Variants in WFDC8 observed in about 807,000 individuals in gnomAD.
WFDC8 encodes WAP four-disulfide core domain protein 8.
Under a neutral mutation model 27.0 loss-of-function variants are expected in WFDC8, and 24 were observed. That is an observed-to-expected ratio of 0.89 (90% CI 0.64 to 1.25). WFDC8 has a LOEUF of 1.25. Ranked by LOEUF, WFDC8 falls within the 50% of genes most tolerant of loss-of-function variation. The probability of loss-of-function intolerance (pLI) is 0.00; values close to 1 mark genes in which losing one functional copy is unlikely to be tolerated. For synonymous variants in WFDC8, 106 were observed against 99.7 expected, an observed-to-expected ratio of 1.06 and a Z score of -0.38; for missense variants, 287 against 295.9, an observed-to-expected ratio of 0.97 and a Z score of 0.22.
chr20:45,566,611 C>T (rs1018280425), intron 1 of WFDC8, among the ~76,000 whole-genome samples: 2 of 151,994 alleles, frequency 1.3e-5, no homozygotes, highest in African/African-American at 4.8e-5. Context: ...TGCAGTGAGC[C>T]AGGATTGCAC....
rs990219232 is a variant in WFDC8, at chr20:45,555,707, A to G, written c.439T>C (p.Leu147=). Residue 147 remains leucine, a synonymous_variant, in exon 4 of 6, where the codon TTA becomes CTA. Coordinates refer to ENST00000289953, the MANE Select transcript of WFDC8 (RefSeq NM_130896.3). ...TCCAGGATAGAGGTCTCACCAATTA[A>G]CATGCAGGCCGTTCTGCAGGCATCC... The part of the protein sequence containing the change: ...NEDACRTACM[L]IVKDGQCPLF... 5.6e-6 allele frequency: 9 copies of G among 1,612,166 alleles called. No individual in the cohort carries two copies. In the African/African-American group the frequency reaches 1.2e-4, roughly 22 times the overall value.
intron 5 of WFDC8, 84 bp downstream of exon 5, chr20:45,553,052 C>G: frequency 6.6e-7 from 1 of 1,513,444 alleles, no homozygotes; most frequent in Non-Finnish European, 8.9e-7. Flanking sequence ...ATCTGAGGTT[C>G]AAGACACCCC....
chr20:45,554,155 GTT>G (rs10715751), intron 4 of WFDC8, among the ~76,000 whole-genome samples: 1 of 151,272 alleles, frequency 6.6e-6, no homozygotes, highest in Admixed American at 6.6e-5. Flanking sequence ...CACCATGCCT[GTT>G]TTTTTTGTTG....
At chr20:45,567,023 T>C (rs1980703167) in intron 1 of WFDC8, among the ~76,000 whole-genome samples, 1 of 152,248 alleles carries the variant, frequency 6.6e-6, no homozygotes, top group Non-Finnish European at 1.5e-5. Context: ...GGTTTTTATT[T>C]GTATTATTTT....
Position 45,552,114 on chromosome 20 carries a change from T to A in WFDC8, c.638A>T (p.Lys213Ile). ...CTCCTCATCCTGCAGGCACTTGGGT[T>A]TATCAATCTTGGTACATAGCAAGGG... ...RKPLLCTKIDKPKCLQDEECP... is the reference protein window; with the variant it reads ...RKPLLCTKIDIPKCLQDEECP... Residue 213 changes from lysine (K) to isoleucine (I), a missense_variant, in exon 6 of 6, where the codon AAA (lysine) becomes ATA (isoleucine). By Grantham distance (102) the Lys-to-Ile change is moderately radical. Transcript: ENST00000289953. 6.2e-7 allele frequency: 1 copy of A among 1,614,144 alleles called. No individual in the cohort carries two copies. The highest frequency in any genetic ancestry group is 8.5e-7 in the Non-Finnish European group (1 of 1,179,978).
chr20:45,558,872 T>G lies in WFDC8; in HGVS notation c.257A>C (p.Lys86Thr). The G allele has an allele frequency of 6.2e-7, 1 of 1,614,166 alleles. No individual in the cohort carries two copies. The highest frequency in any genetic ancestry group is 8.5e-7 in the Non-Finnish European group (1 of 1,180,006). ...QKCCFFACQKKCMDPFQEPCM... is the reference protein window; with the variant it reads ...QKCCFFACQKTCMDPFQEPCM... ...GCTACCTTGAAAGGGATCCATGCAC[T>G]TCTTCTGACAGGCAAAAAAGCAGCA... is the stretch of plus-strand genomic sequence containing the variant. Residue 86 changes from lysine (K) to threonine (T), a missense_variant, in exon 3 of 6, where the codon AAG becomes ACG. Lys to Thr is a moderately conservative substitution (Grantham distance 78, BLOSUM62 -1). Coordinates refer to ENST00000289953, the MANE Select transcript of WFDC8 (RefSeq NM_130896.3).
chr20:45,564,472 C>T lies in WFDC8; in HGVS notation c.27-2253G>A, dbSNP rs527999641. Among the ~76,000 whole-genome samples, 7 of 152,208 alleles carry T rather than the reference C, an allele frequency of 4.6e-5. No individual in the cohort carries two copies. In the East Asian group the frequency reaches 1.2e-3, roughly 25 times the overall value. On this transcript the variant is annotated intron_variant, in intron 1 of 5. Transcript: ENST00000289953. ...GGATTATGAGGTCAGGAGATTGAGA[C>T]CATCCTGGCTAACACGGTGAAATCC...
intron 2 of WFDC8, among the ~76,000 whole-genome samples, chr20:45,560,690 C>T (rs563983111): frequency 3.9e-5 from 6 of 152,304 alleles, no homozygotes; most frequent in South Asian, 4.1e-4. Context: ...CTGGGACTTA[C>T]AATCCAGGAC....
intron 1 of WFDC8, among the ~76,000 whole-genome samples, chr20:45,564,977 A>AAGAAAGAGAGAC: frequency 1.2e-5 from 1 of 82,138 alleles, no homozygotes; most frequent in Middle Eastern, 5.7e-3. Context: ...AAGAAAGACA[A>AAGAAAGAGAGAC]AGAAGGAAGG....
intron 3 of WFDC8, among the ~76,000 whole-genome samples, chr20:45,556,331 CTGTTTAATTTA>C (rs1283556409): frequency 6.6e-6 from 1 of 152,102 alleles, no homozygotes; most frequent in African/African-American, 2.4e-5. Context: ...TTATTATTTG[CTGTTTAATTTA>C]TATTTATTTT....
intron 1 of WFDC8, among the ~76,000 whole-genome samples, chr20:45,570,591 G>A (rs962973926): frequency 6.6e-6 from 1 of 151,998 alleles, no homozygotes; most frequent in Non-Finnish European, 1.5e-5. Flanking sequence ...TCCAGTTTGG[G>A]GCAATTATGA....
At chr20:45,556,762 T>C (rs1980272109) in intron 3 of WFDC8, among the ~76,000 whole-genome samples, 1 of 152,070 alleles carries the variant, frequency 6.6e-6, no homozygotes, top group Non-Finnish European at 1.5e-5. Flanking sequence ...TTTTGAAGGG[T>C]CATCTCTTAT....
chr20:45,573,513 A>C (rs371304503), intron 1 of WFDC8, among the ~76,000 whole-genome samples: 35 of 152,200 alleles, frequency 2.3e-4, no homozygotes, highest in African/African-American at 8.2e-4. Context: ...ACCTTTGCAT[A>C]CCCATAGGTT....
At chr20:45,568,873 T>A (rs565322728) in intron 1 of WFDC8, 1 of 278,780 alleles carries the variant, frequency 3.6e-6, no homozygotes, top group East Asian at 7.7e-5. Flanking sequence ...TCATCATCCA[T>A]TGTATATCTA....
intron 1 of WFDC8, among the ~76,000 whole-genome samples, chr20:45,565,304 T>C (rs2868307): frequency 0.38 from 57,881 of 151,658 alleles, 11,436 homozygotes; most frequent in Non-Finnish European, 0.43. Flanking sequence ...ATGAGTGGAT[T>C]TGACTAGATT....
chr20:45,561,877 A>G (rs1335599232), intron 2 of WFDC8, among the ~76,000 whole-genome samples: 2 of 152,092 alleles, frequency 1.3e-5, no homozygotes, highest in South Asian at 2.1e-4. Flanking sequence ...GATGCAAACT[A>G]TATATATAGT....
chr20:45,556,098 A>G (rs1980235743), intron 3 of WFDC8, among the ~76,000 whole-genome samples: 1 of 152,222 alleles, frequency 6.6e-6, no homozygotes, highest in Non-Finnish European at 1.5e-5. Context: ...TACAAGGTGC[A>G]TATAAGAATC....
chr20:45,553,093 G>A, intron 5 of WFDC8, 43 bp downstream of exon 5: 1 of 1,583,932 alleles, frequency 6.3e-7, no homozygotes. Flanking sequence ...GACATCCTTG[G>A]CACATGCCCA....
chr20:45,555,638 A>C, intron 4 of WFDC8, 63 bp downstream of exon 4: 1 of 1,577,812 alleles, frequency 6.3e-7, no homozygotes, highest in East Asian at 2.2e-5. Context: ...TGAGCCTATA[A>C]CCTCATTGGT....
Sources: gnomAD v4.1 joint callset for allele counts (sites outside exome capture counted in the v4.1 genomes callset) on GRCh38, gnomAD v4.1.1 for gene constraint, MANE v1.5 for transcripts, NCBI Gene and HGNC (gene_info 2026-07-23, HGNC 2026-07-21) for gene names.